The following SIK2 variants were observed in gnomAD, a reference collection of about 807,000 sequenced individuals.
The protein encoded by SIK2 is salt inducible kinase 2.
Under a neutral mutation model 103.2 loss-of-function variants are expected in SIK2, and 29 were observed. The observed-to-expected ratio is 0.28, with a 90% CI of 0.21 to 0.38. The LOEUF (loss-of-function observed/expected upper bound fraction) is 0.38. SIK2 is among the 10% of genes least tolerant of loss of function. The pLI, the probability that SIK2 is intolerant of heterozygous loss-of-function variation, is 1.00. For missense variants in SIK2, 879 were observed against 1,171.0 expected, an observed-to-expected ratio of 0.75 and a Z score of 3.64; for synonymous variants, 412 against 446.1, an observed-to-expected ratio of 0.92 and a Z score of 0.96.
chr11:111,645,310 A>G (rs1452930634), intron 3 of SIK2, among the ~76,000 whole-genome samples: 2 of 152,236 alleles, frequency 1.3e-5, no homozygotes, highest in Non-Finnish European at 2.9e-5. Context: ...ACTGGAAACA[A>G]CAAAATGTCC....
Position 111,688,480 on chromosome 11 carries a change from G to A in SIK2, c.478+318G>A, listed in dbSNP as rs1942877238. On this transcript the variant is annotated intron_variant, in intron 4 of 14. Coordinates refer to ENST00000304987, the MANE Select transcript of SIK2 (RefSeq NM_015191.3). The surrounding 1 kb of genome is among the most constrained non-coding windows in gnomAD (Gnocchi z 4.2). The stretch of plus-strand genomic sequence containing the variant: ...TGACTGGAGAAAAGACAGGGCTGGA[G>A]GAGTAATGCTGGTTGCTGGTACTCT... 6.6e-6 allele frequency among the ~76,000 whole-genome samples: 1 copy of A among 152,170 alleles called. No individual in the cohort carries two copies. The highest frequency in any genetic ancestry group is 1.5e-5 in the Non-Finnish European group (1 of 68,026).
At chr11:111,607,764 A>G (rs1317247541) in intron 1 of SIK2, among the ~76,000 whole-genome samples, 2 of 152,288 alleles carry the variant, frequency 1.3e-5, no homozygotes, top group East Asian at 3.9e-4. Context: ...TCTGCTAACT[A>G]TTGTTCAAAA....
chr11:111,721,358 TCTC>T (rs1356501302), intron 12 of SIK2, among the ~76,000 whole-genome samples: 3 of 151,900 alleles, frequency 2.0e-5, no homozygotes, highest in African/African-American at 7.3e-5. Context: ...GAACTCCCCT[TCTC>T]CTGCCACACA....
rs957691768 is a variant in SIK2 at position 111,726,041 on chromosome 11, C to T, written c.*1912C>T. 1 of 152,150 alleles carries T rather than the reference C, an allele frequency of 6.6e-6. No individual in the cohort carries two copies. Among genetic ancestry groups the T allele is most frequent in the Non-Finnish European group, 1.5e-5 (1 of 68,038 alleles). 9.4% of individuals were successfully genotyped at this position (152,150 alleles called of 1,614,324 possible). On this transcript the variant is annotated 3_prime_UTR_variant, in exon 15 of 15. Transcript: ENST00000304987. ...GATGATTTCGTGAAATAAAGAACATCATTTCATTTAAGAGATCATTTCATT... is the reference window on the plus strand; with the variant it reads ...GATGATTTCGTGAAATAAAGAACATTATTTCATTTAAGAGATCATTTCATT...
chr11:111,703,103 A>G, intron 6 of SIK2, 100 bp from the exon 7 acceptor site: 1 of 993,836 alleles, frequency 1.0e-6, no homozygotes, highest in Non-Finnish European at 1.5e-6. Context: ...AGTAGAGGAT[A>G]CAAAGATTAA....
intron 3 of SIK2, among the ~76,000 whole-genome samples, chr11:111,629,852 A>G (rs893560211): frequency 6.6e-6 from 1 of 152,228 alleles, no homozygotes; most frequent in Non-Finnish European, 1.5e-5. Context: ...TAGAACTCTC[A>G]TACATTGCTG....
At chr11:111,633,623 T>C (rs999519902) in intron 3 of SIK2, among the ~76,000 whole-genome samples, 6 of 152,218 alleles carry the variant, frequency 3.9e-5, no homozygotes, top group African/African-American at 1.4e-4. Context: ...TCCTCCAGTA[T>C]ACTGAGCAGT....
At position 111,650,190 on chromosome 11, in the gene SIK2, C is replaced by T. The variant is rs1291580106; in HGVS notation, c.316+29788C>T. On this transcript the variant is annotated intron_variant, in intron 3 of 14. Transcript: ENST00000304987. ...GATACATTTTAAATCTTAACTTTAGCAATTATCTTTTCCTTTGGCTTCTCT... is the reference window on the plus strand; with the variant it reads ...GATACATTTTAAATCTTAACTTTAGTAATTATCTTTTCCTTTGGCTTCTCT... Among the ~76,000 whole-genome samples the T allele has an allele frequency of 2.0e-5, 3 of 151,776 alleles. No homozygotes were observed. In the East Asian group the frequency reaches 5.8e-4, roughly 29 times the overall value.
At chr11:111,708,830 C>G (rs962241539) in intron 8 of SIK2, among the ~76,000 whole-genome samples, 1 of 152,118 alleles carries the variant, frequency 6.6e-6, no homozygotes, top group South Asian at 2.1e-4. Flanking sequence ...TCAAGTAATC[C>G]TCCTACCGTG....
chr11:111,645,243 A>G (rs1476707360), intron 3 of SIK2, among the ~76,000 whole-genome samples: 1 of 152,236 alleles, frequency 6.6e-6, no homozygotes, highest in East Asian at 1.9e-4. Flanking sequence ...TCATGTACAT[A>G]TAAGCCAGAT....
At chr11:111,658,027 A>G (rs1241078017) in intron 3 of SIK2, among the ~76,000 whole-genome samples, 3 of 151,876 alleles carry the variant, frequency 2.0e-5, no homozygotes, top group Admixed American at 1.3e-4. Context: ...ATAAAAAATG[A>G]CCTTCTTGAA....
intron 2 of SIK2, among the ~76,000 whole-genome samples, chr11:111,617,600 A>G (rs769953514): frequency 3.9e-5 from 6 of 152,164 alleles, no homozygotes; most frequent in Non-Finnish European, 5.9e-5. Context: ...ACAAATCAGG[A>G]CCTTTTTATT....
At chr11:111,668,216 G>A (rs1247748451) in intron 3 of SIK2, among the ~76,000 whole-genome samples, 4 of 151,334 alleles carry the variant, frequency 2.6e-5, no homozygotes, top group South Asian at 2.1e-4. Flanking sequence ...TTGTGCACAC[G>A]CATGCATGTC....
At chr11:111,680,766 C>T (rs146017188) in intron 3 of SIK2, among the ~76,000 whole-genome samples, 2 of 152,222 alleles carry the variant, frequency 1.3e-5, no homozygotes, top group Non-Finnish European at 2.9e-5. Context: ...GCAGTGACGA[C>T]GATGATGATA....
intron 4 of SIK2, among the ~76,000 whole-genome samples, chr11:111,693,656 G>A (rs920343379): frequency 6.6e-6 from 1 of 152,154 alleles, no homozygotes; most frequent in Non-Finnish European, 1.5e-5. Flanking sequence ...TTAATCACAC[G>A]TCAAACAGGG....
Position 111,602,599 on chromosome 11 carries a change from C to T in SIK2, c.36C>T (p.Arg12=). 1.3e-6 allele frequency: 2 copies of T among 1,531,582 alleles called. No homozygotes were observed. Among genetic ancestry groups the T allele is most frequent in the Non-Finnish European group, 1.8e-6 (2 of 1,139,056 alleles). The allele number at this position is 1,531,582 out of a possible 1,614,324, so 94.9% of individuals were successfully genotyped here. ...VMADGPRHLQ[R]GPVRVGFYDI... ...CGGATGGCCCGAGGCACTTGCAGCG[C>T]GGGCCGGTCCGGGTGGGGTTCTACG... The change falls in exon 1 of 15, where the codon CGC becomes CGT. Residue 12 remains arginine (R), a synonymous_variant. Transcript: ENST00000304987. The surrounding 1 kb of genome is among the most constrained non-coding windows in gnomAD (Gnocchi z 4.5).
chr11:111,720,678 A>G lies in SIK2; in HGVS notation c.1696A>G (p.Ser566Gly). The G allele has an allele frequency of 6.2e-7, 1 of 1,613,922 alleles. No homozygotes were observed. Among genetic ancestry groups the G allele is most frequent in the Non-Finnish European group, 8.5e-7 (1 of 1,179,940 alleles). ...TACCAACCCAGCCATGCAGGCTCTG[A>G]GCTCCCAGAAACGAGAGGTCCACAA... is the stretch of plus-strand genomic sequence containing the variant. ...RPTNPAMQAL[S>G]SQKREVHNRS... The change falls in exon 11 of 15, where the codon AGC (serine) becomes GGC (glycine). Residue 566 changes from serine (S) to glycine (G), a missense_variant. Physicochemically the swap from Ser to Gly is moderately conservative, Grantham distance 56. This residue lies in a region of SIK2 where 222 missense variants were observed against 258.0 expected (regional missense o/e 0.86). Coordinates refer to ENST00000304987, the MANE Select transcript of SIK2 (RefSeq NM_015191.3).
intron 3 of SIK2, among the ~76,000 whole-genome samples, chr11:111,644,045 T>C (rs1565327368): frequency 6.6e-6 from 1 of 151,550 alleles, no homozygotes; most frequent in Non-Finnish European, 1.5e-5. Flanking sequence ...CCCAGCATTT[T>C]GGAAGGCTGA....
At chr11:111,685,433 T>G (rs1487180277) in intron 3 of SIK2, among the ~76,000 whole-genome samples, 2 of 152,212 alleles carry the variant, frequency 1.3e-5, no homozygotes, top group African/African-American at 4.8e-5. Context: ...ACATGCAGAT[T>G]ATTACATACA....
Sources: allele counts gnomAD v4.1 joint callset (sites outside exome capture counted in the v4.1 genomes callset), GRCh38; gene constraint gnomAD v4.1.1; regional missense constraint gnomAD v4.1.1; non-coding constraint Gnocchi (gnomAD v3.1); transcripts MANE v1.5; gene names NCBI Gene and HGNC (gene_info 2026-07-23, HGNC 2026-07-21).